The following ARHGAP20 variants were observed in gnomAD, a reference collection of about 807,000 sequenced individuals.
ARHGAP20 encodes rho GTPase-activating protein 20.
ARHGAP20 carries 34 observed loss-of-function variants against 73.7 expected under a neutral mutation model. The ratio of observed to expected loss-of-function variants is 0.46; its 90% CI spans 0.35 to 0.61. The LOEUF is 0.61. Among genes scored for constraint, ARHGAP20 ranks in the 20% least tolerant of loss-of-function variants. The pLI, the probability that ARHGAP20 is intolerant of heterozygous loss-of-function variation, is 0.00. For missense variants in ARHGAP20, 1,314 were observed against 1,420.9 expected (o/e 0.92, Z 1.21); for synonymous variants, 523 against 518.2 (o/e 1.01, Z -0.13).
chr11:110,648,230 TATATATGTAAATATATATATGTAA>T (rs2135004564), intron 2 of ARHGAP20, among the ~76,000 whole-genome samples: 2 of 85,438 alleles, frequency 2.3e-5, no homozygotes, highest in Non-Finnish European at 4.8e-5. Context: ...TGTATATATA[TATATATGTAAATATATATATGTAA>T]ATATATATAT....
At chr11:110,661,441 TA>T (rs1227711114) in intron 2 of ARHGAP20, among the ~76,000 whole-genome samples, 1 of 152,100 alleles carries the variant, frequency 6.6e-6, no homozygotes, top group African/African-American at 2.4e-5. Context: ...AATTCTGACA[TA>T]AAAATATTAT....
chr11:110,711,589 T>C (rs1444325090), intron 1 of ARHGAP20: 66 of 1,476,500 alleles, frequency 4.5e-5, no homozygotes, highest in East Asian at 1.1e-4. Flanking sequence ...AAAACTGCTA[T>C]GGAGCAGCCG....
intron 13 of ARHGAP20, 94 bp downstream of exon 13, chr11:110,583,449 TTTAAG>T: frequency 9.1e-7 from 1 of 1,101,336 alleles, no homozygotes; most frequent in South Asian, 1.8e-5. Context: ...ATACGGTATA[TTTAAG>T]TTATTTAAGA....
At chr11:110,629,242 A>C (rs1948811505) in intron 3 of ARHGAP20, among the ~76,000 whole-genome samples, 1 of 152,168 alleles carries the variant, frequency 6.6e-6, no homozygotes, top group African/African-American at 2.4e-5. Context: ...GTTGGAAGTA[A>C]GGCCTAGATT....
intron 12 of ARHGAP20, among the ~76,000 whole-genome samples, chr11:110,583,999 A>T (rs892734398): frequency 3.3e-5 from 5 of 152,040 alleles, no homozygotes; most frequent in African/African-American, 9.7e-5. Context: ...ATATTTCATT[A>T]AAAAAAATGC....
chr11:110,707,093 A>G (rs1591197139), intron 1 of ARHGAP20, among the ~76,000 whole-genome samples: 1 of 152,278 alleles, frequency 6.6e-6, no homozygotes, highest in South Asian at 2.1e-4. Context: ...GGCAGAATGA[A>G]GTTTACAACA....
At chr11:110,648,187 ATG>A (rs1949247956) in intron 2 of ARHGAP20, among the ~76,000 whole-genome samples, 1 of 91,356 alleles carries the variant, frequency 1.1e-5, no homozygotes, top group Admixed American at 1.2e-4. Flanking sequence ...ATATATATAT[ATG>A]TAAATATATA....
intron 2 of ARHGAP20, among the ~76,000 whole-genome samples, chr11:110,631,383 T>C (rs7479470): frequency 0.16 from 24,288 of 152,234 alleles, 2,369 homozygotes; most frequent in East Asian, 0.31. Context: ...TCTCTATGGA[T>C]TGGCTCCTGA....
rs774740726 is a variant in ARHGAP20, at chr11:110,580,610, T to C, written c.2336A>G (p.Lys779Arg). The part of the protein sequence containing the change: ...KKNATTQNTK[K>R]KSLSGSEGNH... ...TCCTTCACTACCAGACAAGCTTTTC[T>C]TCTTAGTGTTTTGAGTAGTGGCATT... Residue 779 changes from lysine to arginine, a missense_variant, in exon 15 of 15, where the codon AAG becomes AGG. This residue lies in a region of ARHGAP20 where 641 missense variants were observed against 636.9 expected (regional missense o/e 1.01). Transcript: ENST00000683387. The C allele has an allele frequency of 6.2e-7, 1 of 1,614,226 alleles. No homozygotes were observed.
chr11:110,603,909 G>A (rs1401235190), intron 9 of ARHGAP20, among the ~76,000 whole-genome samples: 2 of 152,114 alleles, frequency 1.3e-5, no homozygotes, highest in Non-Finnish European at 2.9e-5. Context: ...CAGAATGTTT[G>A]TACTCAAATT....
chr11:110,655,633 C>T (rs1307313753), intron 2 of ARHGAP20, among the ~76,000 whole-genome samples: 1 of 152,078 alleles, frequency 6.6e-6, no homozygotes, highest in Non-Finnish European at 1.5e-5. Flanking sequence ...TCATGGGTTT[C>T]CTCTGAAGGT....
chr11:110,609,115 A>ATTTTT, intron 7 of ARHGAP20, 65 bp from the exon 8 acceptor site: 3 of 1,302,680 alleles, frequency 2.3e-6, no homozygotes, highest in Non-Finnish European at 3.2e-6. Flanking sequence ...ATGAGGACAC[A>ATTTTT]TTTTTTTTTT....
intron 4 of ARHGAP20, among the ~76,000 whole-genome samples, chr11:110,619,414 T>A (rs1166390989): frequency 1.3e-5 from 2 of 151,486 alleles, no homozygotes; most frequent in Non-Finnish European, 2.9e-5. Context: ...TGATAGAGTA[T>A]ATGCAGTGGT....
At chr11:110,643,742 G>C (rs1042487283) in intron 2 of ARHGAP20, among the ~76,000 whole-genome samples, 7 of 151,924 alleles carry the variant, frequency 4.6e-5, no homozygotes, top group Non-Finnish European at 8.8e-5. Flanking sequence ...GTGGTTGTTG[G>C]GTAGAGTATT....
chr11:110,644,600 G>A (rs1949147715), intron 2 of ARHGAP20, among the ~76,000 whole-genome samples: 1 of 152,120 alleles, frequency 6.6e-6, no homozygotes, highest in Non-Finnish European at 1.5e-5. Flanking sequence ...CTATCCATAT[G>A]TAGAATAAAA....
At chr11:110,609,110 G>C (rs933226909) in intron 7 of ARHGAP20, 60 bp from the exon 8 acceptor site, 3 of 1,512,292 alleles carry the variant, frequency 2.0e-6, no homozygotes, top group South Asian at 2.3e-5. Flanking sequence ...CTTGAATGAG[G>C]ACACATTTTT....
chr11:110,592,839 CT>C (rs1362735019), intron 9 of ARHGAP20, among the ~76,000 whole-genome samples: 1 of 152,130 alleles, frequency 6.6e-6, no homozygotes, highest in African/African-American at 2.4e-5. Flanking sequence ...CAACTGTAGA[CT>C]TTTATGTTTC....
rs762573241 is a variant in ARHGAP20 at position 110,614,602 on chromosome 11, G to A, written c.589C>T (p.Pro197Ser). The A allele has an allele frequency of 8.7e-6, 14 of 1,612,888 alleles. No homozygotes were observed. The highest frequency in any genetic ancestry group is 1.2e-5 in the Non-Finnish European group (14 of 1,179,600). Residue 197 changes from proline to serine, a missense_variant, in exon 6 of 15, where the codon CCC becomes TCC. Transcript: ENST00000683387. Reference sequence around the variant, plus strand: ...ATGTCCTTGGCGAAGATTTTGAGGGGAATGCTCTTCGGGTAGTCCTTTTCT... The same window carrying A: ...ATGTCCTTGGCGAAGATTTTGAGGGAAATGCTCTTCGGGTAGTCCTTTTCT... ...EKEKDYPKSI[P>S]LKIFAKDIGN... is the part of the protein sequence containing the mutation.
Position 110,581,150 on chromosome 11 carries a change from G to A in ARHGAP20, c.1796C>T (p.Pro599Leu). The A allele has an allele frequency of 6.2e-7, 1 of 1,614,166 alleles. No homozygotes were observed. The highest frequency in any genetic ancestry group is 8.5e-7 in the Non-Finnish European group (1 of 1,180,024). ...AAGTTTCTTTACCAAGTCACTGCAT[G>A]GTGCATCAACATCCTCATTTAGCTC... ...ENELNEDVDA[P>L]CSDLVKKLGQ... Residue 599 changes from proline (P) to leucine (L), a missense_variant, in exon 15 of 15, where the codon CCA becomes CTA. Physicochemically the swap from Pro to Leu is moderately conservative, Grantham distance 98. Transcript: ENST00000683387.
Sources: gnomAD v4.1 joint callset for allele counts (sites outside exome capture counted in the v4.1 genomes callset) on GRCh38, gnomAD v4.1.1 for gene constraint, gnomAD v4.1.1 regional missense constraint, MANE v1.5 for transcripts, NCBI Gene and HGNC (gene_info 2026-07-23, HGNC 2026-07-21) for gene names.